Variants in PPOX observed in about 807,000 individuals in gnomAD.
PPOX encodes variegate porphyria.
In PPOX, 23 loss-of-function variants were observed where a neutral mutation model predicts 54.1. The observed-to-expected ratio is 0.43, with a 90% CI of 0.31 to 0.60. The LOEUF (loss-of-function observed/expected upper bound fraction) is 0.60. Ranked by LOEUF, PPOX falls within the 20% of genes least tolerant of loss-of-function variation. The pLI, the probability that PPOX is intolerant of heterozygous loss-of-function variation, is 0.13. For missense variants in PPOX, 512 were observed against 601.1 expected (o/e 0.85, Z 1.55); for synonymous variants, 224 against 236.1 (o/e 0.95, Z 0.47).
Position 161,170,536 on chromosome 1 carries a change from T to G in PPOX, c.1098+17T>G. 6.2e-7 allele frequency: 1 copy of G among 1,614,138 alleles called. No individual in the cohort carries two copies. The highest frequency in any genetic ancestry group is 1.1e-5 in the South Asian group (1 of 91,086). The stretch of plus-strand genomic sequence containing the variant: ...AGAGTGACTGTGAGGAGGAGGAAAC[T>G]TTGCCTAGTGGCATTTCCAGAGGGC... On this transcript the variant is annotated intron_variant, in intron 10 of 12. Coordinates refer to ENST00000367999, the MANE Select transcript of PPOX (RefSeq NM_001122764.3).
In PPOX at chr1:161,170,371, G is replaced by T. The variant is rs73021766; in HGVS notation, c.988-38G>T. Reference sequence around the variant, plus strand: ...GGAAGGAGAGACAGCCTCAGCTAGAGCCCTTTCCTTCTGACGCATGAATGT... The same window carrying T: ...GGAAGGAGAGACAGCCTCAGCTAGATCCCTTTCCTTCTGACGCATGAATGT... On this transcript the variant is annotated intron_variant, in intron 9 of 12. Coordinates refer to ENST00000367999, the MANE Select transcript of PPOX (RefSeq NM_001122764.3). 1.5e-3 allele frequency: 1,955 copies of T among 1,270,072 alleles called. 15 individuals are homozygous for T. In the African/African-American group the frequency reaches 0.028, roughly 18 times the overall value. 78.7% of individuals were successfully genotyped at this position (1,270,072 alleles called of 1,614,324 possible). A position where few individuals can be genotyped will look rare whatever the true frequency, so the allele number is the denominator to read the frequency against.
chr1:161,170,321 T>TGGGGGGGGCC, intron 9 of PPOX, 88 bp from the exon 10 acceptor site: 3 of 367,764 alleles, frequency 8.2e-6, no homozygotes, highest in Non-Finnish European at 5.3e-6. Flanking sequence ...TGAGACTCTG[T>TGGGGGGGGCC]CCCCCCCACC....
upstream of PPOX, chr1:161,166,042 C>T: frequency 1.0e-6 from 1 of 964,836 alleles, no homozygotes; most frequent in Non-Finnish European, 1.2e-6. Context: ...TAGGCCCGGT[C>T]TGTTGCTAAC....
intron 7 of PPOX, 56 bp downstream of exon 7, chr1:161,169,239 T>C: frequency 1.9e-6 from 3 of 1,597,400 alleles, no homozygotes; most frequent in Non-Finnish European, 2.6e-6. Context: ...TTTATCCAAG[T>C]GGCTTAACTA....
At chr1:161,171,641 T>C, downstream of PPOX, 2 of 837,534 alleles carry the variant, frequency 2.4e-6, no homozygotes, top group Non-Finnish European at 1.8e-6. Context: ...GAGGGACCCC[T>C]CAGGTCTACA....
At chr1:161,174,129 C>A, downstream of PPOX, 2 of 1,478,912 alleles carry the variant, frequency 1.4e-6, no homozygotes, top group Non-Finnish European at 1.8e-6. Flanking sequence ...AAGTGAAGGC[C>A]GGGCGCGGTG....
chr1:161,168,310 C>G, intron 5 of PPOX, 122 bp from the exon 6 acceptor site: 2 of 1,558,808 alleles, frequency 1.3e-6, no homozygotes, highest in Admixed American at 1.7e-5. Context: ...TTCCATCCGT[C>G]ACAGTGGGAA....
intron 4 of PPOX, chr1:161,176,827 T>C (rs1376054694): frequency 6.5e-6 from 10 of 1,530,970 alleles, no homozygotes; most frequent in Non-Finnish European, 7.9e-6. Flanking sequence ...GGACAGCTAA[T>C]GGAAACATTG....
chr1:161,168,323 T>C (rs1659851137), intron 5 of PPOX, 109 bp from the exon 6 acceptor site: 1 of 1,572,746 alleles, frequency 6.4e-7, no homozygotes, highest in Non-Finnish European at 8.7e-7. Flanking sequence ...AGTGGGAATG[T>C]CCCCCAACCC....
intron 6 of PPOX, 91 bp downstream of exon 6, chr1:161,168,667 T>C: frequency 9.8e-6 from 15 of 1,529,618 alleles, no homozygotes; most frequent in East Asian, 2.3e-5. Flanking sequence ...GATTCTTTTT[T>C]TCTTTTTTGA....
In PPOX at chr1:161,176,699, C is replaced by T. The variant is rs989058624; in HGVS notation, c.373-150C>T. The T allele has an allele frequency of 1.5e-4, 97 of 631,634 alleles. 3 individuals are homozygous for T. The highest frequency in any genetic ancestry group is 8.8e-4 in the South Asian group (44 of 50,246). The allele number at this position is 631,634 out of a possible 1,614,324, so 39.1% of individuals were successfully genotyped here. A position where few individuals can be genotyped will look rare whatever the true frequency, so the allele number is the denominator to read the frequency against. ...AGTGGTTGGAAAGGAAGAGGAGGAG[C>T]AGGAGATGGTAGGTCCCTCGCCTAT... On this transcript the variant is annotated intron_variant, in intron 4 of 4. Coordinates refer to the PPOX transcript ENST00000497522.
chr1:161,170,206 T>C, intron 9 of PPOX, 182 bp downstream of exon 9: 1 of 870,326 alleles, frequency 1.1e-6, no homozygotes, highest in East Asian at 2.7e-5. Flanking sequence ...GCACCTGTAA[T>C]CTCAGCTACT....
chr1:161,170,573 C>T, intron 10 of PPOX, 47 bp from the exon 11 acceptor site: 1 of 1,614,140 alleles, frequency 6.2e-7, no homozygotes, highest in Middle Eastern at 1.6e-4. Flanking sequence ...CCTCTGTGCT[C>T]CATTGTAGGC....
upstream of PPOX, chr1:161,166,106 T>C (rs1327761867): frequency 4.1e-6 from 4 of 985,276 alleles, no homozygotes; most frequent in African/African-American, 3.5e-5. Flanking sequence ...TAAGTGTCCC[T>C]ATCTATTCTC....
chr1:161,169,020 T>G lies in PPOX; in HGVS notation c.644T>G (p.Leu215Arg). 2 of 1,614,192 alleles carry G rather than the reference T, an allele frequency of 1.2e-6. No homozygotes were observed. Among genetic ancestry groups the G allele is most frequent in the Non-Finnish European group, 1.7e-6 (2 of 1,180,042 alleles). Residue 215 changes from leucine (L) to arginine (R), a missense_variant, in exon 7 of 13, where the codon CTC (leucine) becomes CGC (arginine). By Grantham distance (102) the Leu-to-Arg change is moderately radical. Coordinates refer to ENST00000367999, the MANE Select transcript of PPOX (RefSeq NM_001122764.3). ...CGGACCCCACAGCCAGACTCAGCAC[T>G]CATTCGCCAGGCCTTGGCTGAGCGC... ...AGRTPQPDSA[L>R]IRQALAERWS...
chr1:161,169,900 C>T lies in PPOX; in HGVS notation c.869-6C>T. On this transcript the variant is annotated splice_region_variant and splice_polypyrimidine_tract_variant and intron_variant, in intron 8 of 12. Transcript: ENST00000367999. Reference sequence around the variant, plus strand: ...CTTCTGAGTCAGGCCTCTGCCTGATCTCTAGTGCTCAGTGAGCTGCTCCCT... The same window carrying T: ...CTTCTGAGTCAGGCCTCTGCCTGATTTCTAGTGCTCAGTGAGCTGCTCCCT... 1 of 1,614,208 alleles carries T rather than the reference C, an allele frequency of 6.2e-7. No individual in the cohort carries two copies. The highest frequency in any genetic ancestry group is 1.3e-5 in the African/African-American group (1 of 75,074).
At position 161,171,107 on chromosome 1, in the gene PPOX, T is replaced by C; in HGVS notation, c.1365T>C (p.Ala455=). ...TLAGASYEGV[A]VNDCIESGRQ... ...CTGGAGCCTCCTATGAGGGAGTTGC[T>C]GTTAATGACTGTATAGAGAGTGGGC... Residue 455 remains alanine, a synonymous_variant, in exon 13 of 13, where the codon GCT becomes GCC. Coordinates refer to ENST00000367999, the MANE Select transcript of PPOX (RefSeq NM_001122764.3). The C allele has an allele frequency of 6.2e-7, 1 of 1,614,090 alleles. No homozygotes were observed. Among genetic ancestry groups the C allele is most frequent in the South Asian group, 1.1e-5 (1 of 91,078 alleles).
exon 5 of PPOX, chr1:161,176,889 C>T: frequency 6.5e-7 from 1 of 1,536,224 alleles, no homozygotes; most frequent in South Asian, 1.2e-5. Context: ...CATGACAGGA[C>T]CGTGGAGTGG....
chr1:161,166,775 C>T (rs1659059741), intron 1 of PPOX, 65 bp from the exon 2 acceptor site: 2 of 1,598,320 alleles, frequency 1.3e-6, no homozygotes, highest in Non-Finnish European at 1.7e-6. Flanking sequence ...AACTCAAAAC[C>T]GGCGGGGCTT....
Sources: allele counts gnomAD v4.1 joint callset, GRCh38; gene constraint gnomAD v4.1.1; transcripts MANE v1.5; gene names NCBI Gene and HGNC (gene_info 2026-07-23, HGNC 2026-07-21).